Variants in PREX2 observed in about 807,000 individuals in gnomAD.
PREX2 encodes the protein phosphatidylinositol 3,4,5-trisphosphate-dependent Rac exchanger 2 protein.
Under a neutral mutation model 203.2 loss-of-function variants are expected in PREX2, and 107 were observed. That is an observed-to-expected ratio of 0.53 (90% CI 0.45 to 0.62). The LOEUF is 0.62. PREX2 is among the 20% of genes least tolerant of loss of function. The pLI, the probability that PREX2 is intolerant of heterozygous loss-of-function variation, is 0.00. For synonymous variants in PREX2, 672 were observed against 663.6 expected (o/e 1.01, Z -0.19); for missense variants, 1,777 against 1,955.9 (o/e 0.91, Z 1.72).
chr8:68,058,472 C>T (rs544476306), intron 10 of PREX2, among the ~76,000 whole-genome samples: 4 of 151,740 alleles, frequency 2.6e-5, no homozygotes, highest in African/African-American at 7.3e-5. Flanking sequence ...CTCACTCTGT[C>T]GCCCAGGCTG....
chr8:68,108,940 C>G (rs1235375978), intron 24 of PREX2: 2 of 351,952 alleles, frequency 5.7e-6, no homozygotes, highest in African/African-American at 4.4e-5. Flanking sequence ...GTGAAATAAG[C>G]CAGACACAGA....
chr8:67,952,915 T>C (rs1158120342), intron 1 of PREX2, among the ~76,000 whole-genome samples: 1 of 152,192 alleles, frequency 6.6e-6, no homozygotes, highest in Non-Finnish European at 1.5e-5. Flanking sequence ...CTGGAGACTT[T>C]GTTTTAAAGC....
chr8:68,040,047 C>T (rs961777033), intron 7 of PREX2, among the ~76,000 whole-genome samples: 1 of 152,146 alleles, frequency 6.6e-6, no homozygotes, highest in Non-Finnish European at 1.5e-5. Context: ...TGTTTTGAGA[C>T]AGGGTCTTGC....
At chr8:68,212,361 C>T (rs1241710708) in intron 37 of PREX2, among the ~76,000 whole-genome samples, 1 of 152,264 alleles carries the variant, frequency 6.6e-6, no homozygotes, top group African/African-American at 2.4e-5. Flanking sequence ...TCTTTGTCCT[C>T]TCACTAAAAT....
At chr8:68,228,380 T>TG (rs1474562274) in intron 39 of PREX2, among the ~76,000 whole-genome samples, 2 of 152,018 alleles carry the variant, frequency 1.3e-5, no homozygotes, top group African/African-American at 4.8e-5. Flanking sequence ...CCCTGCACTT[T>TG]GGGAGGCTGA....
At chr8:68,203,705 C>G (rs1388973643) in intron 37 of PREX2, among the ~76,000 whole-genome samples, 2 of 152,082 alleles carry the variant, frequency 1.3e-5, no homozygotes, top group Non-Finnish European at 2.9e-5. Context: ...TATTAATATT[C>G]CCTGGTGCCT....
intron 28 of PREX2, among the ~76,000 whole-genome samples, chr8:68,119,963 T>C (rs1301981886): frequency 6.6e-6 from 1 of 152,176 alleles, no homozygotes; most frequent in African/African-American, 2.4e-5. Context: ...CAATAACTTA[T>C]ACAGTAAATT....
chr8:68,075,997 AG>A (rs759278820), intron 14 of PREX2, among the ~76,000 whole-genome samples: 10 of 152,320 alleles, frequency 6.6e-5, no homozygotes, highest in South Asian at 6.2e-4. Context: ...AGGGAGGCCA[AG>A]TTGCCTACAG....
intron 10 of PREX2, among the ~76,000 whole-genome samples, chr8:68,056,723 C>CTCTG (rs1421111492): frequency 1.3e-5 from 2 of 152,280 alleles, no homozygotes; most frequent in East Asian, 3.9e-4. Flanking sequence ...GATACAGAAA[C>CTCTG]TCTGGATCAG....
At chr8:68,081,236 G>A (rs1809509239) in intron 17 of PREX2, among the ~76,000 whole-genome samples, 1 of 152,102 alleles carries the variant, frequency 6.6e-6, no homozygotes, top group Admixed American at 6.6e-5. Flanking sequence ...TCCCCCGCAT[G>A]CTCGGTTCAC....
chr8:68,181,886 T>G (rs1399737100), intron 35 of PREX2, among the ~76,000 whole-genome samples: 1 of 152,078 alleles, frequency 6.6e-6, no homozygotes, highest in Non-Finnish European at 1.5e-5. Flanking sequence ...TTCAAGGTAC[T>G]TATGGTTTAG....
Position 68,232,461 on chromosome 8 carries a change from T to G in PREX2, c.*1083T>G, listed in dbSNP as rs539461893. 3.3e-5 allele frequency: 5 copies of G among 152,322 alleles called. No individual in the cohort carries two copies. In the East Asian group the frequency reaches 9.6e-4, roughly 29 times the overall value. The allele number at this position is 152,322 out of a possible 1,614,324, so 9.4% of individuals were successfully genotyped here. On this transcript the variant is annotated 3_prime_UTR_variant, in exon 40 of 40. Transcript: ENST00000288368. ...GTAATGTTTATCATTTCTACATTGA[T>G]GCAATAACATTGTTTTTAGCATAGT... is the stretch of plus-strand genomic sequence containing the variant.
In PREX2 at chr8:68,057,909, G is replaced by A. The variant is rs142456319; in HGVS notation, c.1238+1935G>A. Among the ~76,000 whole-genome samples the A allele has an allele frequency of 4.6e-5, 7 of 152,306 alleles. No individual in the cohort carries two copies. In the East Asian group the frequency reaches 1.3e-3, roughly 29 times the overall value. On this transcript the variant is annotated intron_variant, in intron 10 of 39. Coordinates refer to ENST00000288368, the MANE Select transcript of PREX2 (RefSeq NM_024870.4). Reference sequence around the variant, plus strand: ...GTTTGTTCTTATTGAAGAAGAATAGGTTTTGCTAACCCTTCACTTACACTG... The same window carrying A: ...GTTTGTTCTTATTGAAGAAGAATAGATTTTGCTAACCCTTCACTTACACTG...
chr8:68,106,778 A>G (rs1296177938), intron 23 of PREX2, among the ~76,000 whole-genome samples: 6 of 152,140 alleles, frequency 3.9e-5, no homozygotes, highest in Non-Finnish European at 8.8e-5. Context: ...TTATTACTCT[A>G]CTAGTAGAGT....
intron 5 of PREX2, among the ~76,000 whole-genome samples, chr8:68,028,833 T>C (rs1807804015): frequency 6.6e-6 from 1 of 152,066 alleles, no homozygotes; most frequent in Admixed American, 6.6e-5. Context: ...TCTAAATTAC[T>C]CATTTCTGAT....
At chr8:68,130,480 GCACCTACTCAGTGCCAGA>G (rs2129613322) in intron 31 of PREX2, among the ~76,000 whole-genome samples, 2 of 152,258 alleles carry the variant, frequency 1.3e-5, no homozygotes, top group South Asian at 4.1e-4. Flanking sequence ...ATAAAGCTGA[GCACCTACTCAGTGCCAGA>G]CACGGTGCTA....
intron 31 of PREX2, among the ~76,000 whole-genome samples, chr8:68,131,668 A>G (rs918413760): frequency 3.9e-5 from 6 of 152,222 alleles, no homozygotes; most frequent in African/African-American, 1.2e-4. Flanking sequence ...AGCAGAGTAT[A>G]GAATAAACAT....
intron 6 of PREX2, among the ~76,000 whole-genome samples, chr8:68,034,171 T>A (rs1272172694): frequency 6.6e-6 from 1 of 152,182 alleles, no homozygotes; most frequent in Non-Finnish European, 1.5e-5. Context: ...ATTTGTTCAT[T>A]TTTGAAGTTA....
intron 14 of PREX2, among the ~76,000 whole-genome samples, chr8:68,073,508 C>T (rs1339641607): frequency 6.6e-6 from 1 of 152,132 alleles, no homozygotes; most frequent in Non-Finnish European, 1.5e-5. Context: ...TCTGTACACA[C>T]ATATTTTGAT....
Sources: allele counts gnomAD v4.1 joint callset (sites outside exome capture counted in the v4.1 genomes callset), GRCh38; gene constraint gnomAD v4.1.1; transcripts MANE v1.5; gene names NCBI Gene and HGNC (gene_info 2026-07-23, HGNC 2026-07-21).